Variants in PLCG2 observed in about 807,000 individuals in gnomAD.
PLCG2 encodes the protein 1-phosphatidylinositol 4,5-bisphosphate phosphodiesterase gamma-2.
Under a neutral mutation model 175.6 loss-of-function variants are expected in PLCG2, and 69 were observed. The ratio of observed to expected loss-of-function variants is 0.39; its 90% confidence interval spans 0.32 to 0.48. The LOEUF is 0.48. PLCG2 is among the 20% of genes least tolerant of loss of function. The pLI, the probability that PLCG2 is intolerant of heterozygous loss-of-function variation, is 0.91. For missense variants in PLCG2, 1,798 were observed against 1,650.9 expected (o/e 1.09, Z -1.54); for synonymous variants, 827 against 624.0 (o/e 1.33, Z -4.85).
intron 2 of PLCG2, among the ~76,000 whole-genome samples, chr16:81,797,038 C>A (rs531361281): frequency 1.3e-5 from 2 of 152,354 alleles, no homozygotes; most frequent in South Asian, 4.1e-4. Context: ...GCGTTGCTTT[C>A]TTCCACGTGT....
intron 29 of PLCG2, among the ~76,000 whole-genome samples, chr16:81,939,559 T>G (rs2143735799): frequency 6.6e-6 from 1 of 152,228 alleles, no homozygotes; most frequent in Admixed American, 6.5e-5. Flanking sequence ...GCTCCCAGGC[T>G]CTCCTCCCCT....
Position 81,884,326 on chromosome 16 carries a change from G to A in PLCG2, c.765+985G>A, listed in dbSNP as rs148880759. On this transcript the variant is annotated intron_variant, in intron 9 of 32. Transcript: ENST00000564138. ...AGATTGCGCCACTGGACTGCAGCCT[G>A]GGCAACAGAGCAAGACTCCGTCTCA... 1.3e-3 allele frequency among the ~76,000 whole-genome samples: 201 copies of A among 152,082 alleles called. 1 individual carries two copies. Among genetic ancestry groups the A allele is most frequent in the Middle Eastern group, 3.4e-3 (1 of 294 alleles).
chr16:81,888,659 A>G (rs1318049520), intron 9 of PLCG2, among the ~76,000 whole-genome samples: 2 of 152,198 alleles, frequency 1.3e-5, no homozygotes, highest in African/African-American at 4.8e-5. Flanking sequence ...ACGGTATGTA[A>G]CTTGCCCAAG....
rs1910507411 is a variant in PLCG2 at position 81,931,642 on chromosome 16, G to T, written c.2727G>T (p.Lys909Asn). 3 of 1,613,740 alleles carry T rather than the reference G, an allele frequency of 1.9e-6. No individual in the cohort carries two copies. Residue 909 changes from lysine to asparagine, a missense_variant, in exon 25 of 33, where the codon AAG becomes AAT. Transcript: ENST00000564138. ...WFQSIREITW[K>N]IDTKENNMKY... ...AGAGCATCCGAGAGATCACCTGGAA[G>T]ATTGACACCAAGGTAGGCACCTGCT...
At chr16:81,896,546 G>C (rs183640764) in intron 13 of PLCG2, among the ~76,000 whole-genome samples, 40 of 151,844 alleles carry the variant, frequency 2.6e-4, no homozygotes, top group Non-Finnish European at 5.2e-4. Flanking sequence ...CCACTGCACT[G>C]CAGCCTGGGC....
In PLCG2 at chr16:81,891,635, C is replaced by T. The variant is rs149720938; in HGVS notation, c.986+45C>T. 5,594 of 1,130,678 alleles carry T rather than the reference C, an allele frequency of 4.9e-3. 32 individuals are homozygous for T. The highest frequency in any genetic ancestry group is 0.011 in the Middle Eastern group (41 of 3,674). 70.0% of individuals were successfully genotyped at this position (1,130,678 alleles called of 1,614,324 possible). ...GTGATGGGTTGGGCAGCACAGAGCA[C>T]GTGAGGGTTGAGGCAGGGGTCCGAT... is the stretch of plus-strand genomic sequence containing the variant. On this transcript the variant is annotated intron_variant, in intron 11 of 32. Transcript: ENST00000564138.
intron 21 of PLCG2, among the ~76,000 whole-genome samples, chr16:81,922,667 G>A (rs1248684159): frequency 6.6e-6 from 1 of 152,166 alleles, no homozygotes. Flanking sequence ...TGTGTTCTGA[G>A]GAAAAATTTT....
In PLCG2 at chr16:81,857,770, A is replaced by G. The variant is rs74715887; in HGVS notation, c.338-493A>G. 3.5e-3 allele frequency among the ~76,000 whole-genome samples: 536 copies of G among 152,324 alleles called. 3 individuals carry two copies. The highest frequency in any genetic ancestry group is 0.012 in the African/African-American group (494 of 41,566). On this transcript the variant is annotated intron_variant, in intron 3 of 32. Coordinates refer to ENST00000564138, the MANE Select transcript of PLCG2 (RefSeq NM_002661.5). ...CAACATATGAATTCGGAAGGAATGC[A>G]AATATTCAGTCTGTAATGGCTGCTA...
intron 1 of PLCG2, among the ~76,000 whole-genome samples, chr16:81,752,674 G>T (rs538543085): frequency 4.6e-5 from 7 of 152,318 alleles, no homozygotes; most frequent in African/African-American, 1.7e-4. Flanking sequence ...GCTTGGCCTG[G>T]GCTGCATCTG....
chr16:81,757,649 G>C (rs999755082), intron 2 of PLCG2, among the ~76,000 whole-genome samples: 2 of 152,190 alleles, frequency 1.3e-5, no homozygotes, highest in Admixed American at 6.5e-5. Flanking sequence ...ATTTGGAAAA[G>C]AGCTTTATTG....
chr16:81,895,655 T>C, intron 12 of PLCG2, 152 bp from the exon 13 acceptor site: 1 of 753,362 alleles, frequency 1.3e-6, no homozygotes, highest in Non-Finnish European at 2.2e-6. Flanking sequence ...ACCCTGCGGA[T>C]ACAGGGAAAG....
At chr16:81,882,645 T>G (rs11864533) in intron 8 of PLCG2, among the ~76,000 whole-genome samples, 2 of 151,666 alleles carry the variant, frequency 1.3e-5, no homozygotes, top group African/African-American at 2.4e-5. Context: ...CTACTCCTCT[T>G]TCTTTCCTCC....
chr16:81,836,223 G>A (rs1023739619), intron 2 of PLCG2, among the ~76,000 whole-genome samples: 4 of 152,146 alleles, frequency 2.6e-5, no homozygotes, highest in African/African-American at 9.7e-5. Context: ...TTTCTCAGAG[G>A]GGGAAACTGA....
intron 10 of PLCG2, 96 bp downstream of exon 10, chr16:81,889,369 C>A: frequency 1.4e-6 from 1 of 725,476 alleles, no homozygotes; most frequent in Non-Finnish European, 2.5e-6. Context: ...CCTTGGAGAA[C>A]TTTGCTGTAT....
chr16:81,807,187 C>T (rs1016398046), intron 2 of PLCG2, among the ~76,000 whole-genome samples: 13 of 149,228 alleles, frequency 8.7e-5, no homozygotes, highest in African/African-American at 3.1e-4. Flanking sequence ...GGTGATTTCA[C>T]AGGGTCAGCT....
chr16:81,925,918 C>G (rs1329460501), intron 22 of PLCG2, among the ~76,000 whole-genome samples: 1 of 150,034 alleles, frequency 6.7e-6, no homozygotes, highest in African/African-American at 2.5e-5. Flanking sequence ...AGAAGGATAT[C>G]ATATAGAGGG....
intron 2 of PLCG2, among the ~76,000 whole-genome samples, chr16:81,848,702 A>G (rs1444706249): frequency 6.6e-6 from 1 of 151,792 alleles, no homozygotes; most frequent in Non-Finnish European, 1.5e-5. Context: ...TCCAAGAACT[A>G]CTTATTGGGC....
intron 25 of PLCG2, among the ~76,000 whole-genome samples, chr16:81,932,708 G>C (rs920193829): frequency 6.6e-6 from 1 of 152,192 alleles, no homozygotes; most frequent in Non-Finnish European, 1.5e-5. Context: ...GTCCTCTTTA[G>C]GAGACTTTGC....
At chr16:81,924,717 A>C (rs1224497105) in intron 22 of PLCG2, among the ~76,000 whole-genome samples, 1 of 152,258 alleles carries the variant, frequency 6.6e-6, no homozygotes, top group Non-Finnish European at 1.5e-5. Context: ...ATTCCACAGA[A>C]TCAAAGATGC....
Sources: gnomAD v4.1 joint callset for allele counts (sites outside exome capture counted in the v4.1 genomes callset) on GRCh38, gnomAD v4.1.1 for gene constraint, MANE v1.5 for transcripts, NCBI Gene and HGNC (gene_info 2026-07-23, HGNC 2026-07-21) for gene names.